The following LIMCH1 variants were observed in gnomAD, a reference collection of about 807,000 sequenced individuals.
The protein encoded by LIMCH1 is LIM and calponin homology domains-containing protein 1.
A neutral mutation model predicts 176.5 loss-of-function variants in LIMCH1; 113 were observed. The observed-to-expected ratio is 0.64, with a 90% confidence interval of 0.55 to 0.75. LIMCH1 has a LOEUF of 0.75. Ranked by LOEUF, LIMCH1 falls within the 30% of genes least tolerant of loss-of-function variation. The pLI, the probability that LIMCH1 is intolerant of heterozygous loss-of-function variation, is 0.00. For missense variants in LIMCH1, 1,674 were observed against 1,814.9 expected (o/e 0.92, Z 1.41); for synonymous variants, 619 against 645.9 (o/e 0.96, Z 0.63).
intron 1 of LIMCH1, among the ~76,000 whole-genome samples, chr4:41,420,857 A>G (rs9942148): frequency 0.081 from 12,381 of 152,274 alleles, 1,425 homozygotes; most frequent in African/African-American, 0.25. Flanking sequence ...AGAACGCTGG[A>G]GAAAGCACAT....
chr4:41,531,658 T>G (rs1177093551), intron 3 of LIMCH1, among the ~76,000 whole-genome samples: 1 of 152,154 alleles, frequency 6.6e-6, no homozygotes, highest in African/African-American at 2.4e-5. Context: ...CTCTTTCCAG[T>G]GCAAATCAAT....
intron 26 of LIMCH1, among the ~76,000 whole-genome samples, chr4:41,682,873 C>T (rs369981761): frequency 1.4e-3 from 218 of 152,088 alleles, no homozygotes; most frequent in African/African-American, 5.1e-3. Flanking sequence ...GATGGGGTTT[C>T]GTCATGTTGG....
chr4:41,418,107 A>G (rs1309878383), intron 1 of LIMCH1, among the ~76,000 whole-genome samples: 8 of 152,180 alleles, frequency 5.3e-5, no homozygotes, highest in Non-Finnish European at 1.2e-4. Flanking sequence ...GGTCTCAGCA[A>G]TTCACTTGCA....
upstream of LIMCH1, among the ~76,000 whole-genome samples, chr4:41,536,314 G>A (rs2077942291): frequency 4.6e-5 from 7 of 152,126 alleles, no homozygotes; most frequent in Admixed American, 4.6e-4. Flanking sequence ...TAGGAAGTTT[G>A]TCTTGGCAAG....
intron 1 of LIMCH1, among the ~76,000 whole-genome samples, chr4:41,375,068 A>T (rs1262568106): frequency 6.6e-6 from 1 of 152,216 alleles, no homozygotes; most frequent in Non-Finnish European, 1.5e-5. Context: ...CTTTTAGTAG[A>T]AGAATGGGTA....
At chr4:41,560,035 A>G (rs999311074) in intron 1 of LIMCH1, among the ~76,000 whole-genome samples, 3 of 152,068 alleles carry the variant, frequency 2.0e-5, no homozygotes, top group Non-Finnish European at 2.9e-5. Flanking sequence ...GTTCCTGACA[A>G]TTTCTCCACT....
chr4:41,461,370 C>T (rs574876269), intron 1 of LIMCH1, among the ~76,000 whole-genome samples: 17 of 152,266 alleles, frequency 1.1e-4, no homozygotes, highest in South Asian at 8.3e-4. Flanking sequence ...TGCTTAAAAA[C>T]GACTAAAGAG....
chr4:41,377,496 CAA>C (rs1180273544), intron 1 of LIMCH1, among the ~76,000 whole-genome samples: 1 of 152,146 alleles, frequency 6.6e-6, no homozygotes, highest in African/African-American at 2.4e-5. Flanking sequence ...TCATCTACCG[CAA>C]AGTCTGTTCA....
chr4:41,527,849 A>AAAAAC (rs2076842517), intron 3 of LIMCH1, among the ~76,000 whole-genome samples: 1 of 145,266 alleles, frequency 6.9e-6, no homozygotes, highest in Non-Finnish European at 1.5e-5. Context: ...AAAAAAAAAA[A>AAAAAC]CTGCCCCATC....
intron 3 of LIMCH1, among the ~76,000 whole-genome samples, chr4:41,529,830 A>C (rs1415303206): frequency 6.6e-6 from 1 of 152,094 alleles, no homozygotes; most frequent in African/African-American, 2.4e-5. Flanking sequence ...TTCATGTATC[A>C]CTTCTTAGCC....
intron 21 of LIMCH1, chr4:41,671,082 G>A (rs2095004794): frequency 2.4e-5 from 17 of 696,044 alleles, no homozygotes; most frequent in South Asian, 6.6e-5. Context: ...AAGATTAAAA[G>A]CATTTACCAG....
At chr4:41,602,140 A>G (rs1161361109) in intron 2 of LIMCH1, among the ~76,000 whole-genome samples, 6 of 150,344 alleles carry the variant, frequency 4.0e-5, no homozygotes, top group African/African-American at 1.5e-4. Context: ...AAAAAAAAAA[A>G]AAAAAAAAAA....
Position 41,662,878 on chromosome 4 carries a change from A to G in LIMCH1, c.3185A>G (p.Glu1062Gly). Residue 1062 changes from glutamate (E) to glycine (G), a missense_variant, in exon 20 of 32, where the codon GAA becomes GGA. Coordinates refer to ENST00000503057, the MANE Select transcript of LIMCH1 (RefSeq NM_001330672.2). ...TGCAGCCCGACCGTGGCCTTTGTGG[A>G]ATTTCCCTCCAGCCCCCAGCTGAAG... Reference protein sequence around the residue: ...TRCSPTVAFVEFPSSPQLKND... With the variant: ...TRCSPTVAFVGFPSSPQLKND... 6.2e-7 allele frequency: 1 copy of G among 1,614,054 alleles called. No individual in the cohort carries two copies. The highest frequency in any genetic ancestry group is 2.2e-5 in the East Asian group (1 of 44,886).
intron 1 of LIMCH1, among the ~76,000 whole-genome samples, chr4:41,404,505 C>T (rs533517036): frequency 2.8e-4 from 42 of 152,110 alleles, no homozygotes; most frequent in Middle Eastern, 6.8e-3. Context: ...AGGCTGGGTG[C>T]GGTGGCTCAC....
At chr4:41,616,338 G>A (rs961291991) in intron 5 of LIMCH1, among the ~76,000 whole-genome samples, 4 of 151,748 alleles carry the variant, frequency 2.6e-5, no homozygotes, top group Admixed American at 2.6e-4. Flanking sequence ...GACCAGCCTG[G>A]CCAACCTGGT....
At chr4:41,370,273 TAGGA>T (rs1255732377) in intron 1 of LIMCH1, among the ~76,000 whole-genome samples, 3 of 152,116 alleles carry the variant, frequency 2.0e-5, no homozygotes, top group Non-Finnish European at 1.5e-5. Flanking sequence ...TCCCACTTCT[TAGGA>T]TGAGGGAAAG....
intron 2 of LIMCH1, 82 bp from the exon 3 acceptor site, chr4:41,603,793 A>T (rs2090316043): frequency 1.1e-6 from 1 of 902,942 alleles, no homozygotes; most frequent in Non-Finnish European, 1.8e-6. Context: ...AGCTTCAAGT[A>T]CATCTTAGTG....
intron 1 of LIMCH1, among the ~76,000 whole-genome samples, chr4:41,576,450 T>C (rs1042534821): frequency 6.6e-6 from 1 of 152,298 alleles, no homozygotes; most frequent in East Asian, 1.9e-4. Context: ...CTCTTCTAAG[T>C]GTTATAATTT....
intron 1 of LIMCH1, among the ~76,000 whole-genome samples, chr4:41,370,217 A>C (rs547793555): frequency 1.3e-5 from 2 of 152,232 alleles, no homozygotes; most frequent in African/African-American, 4.8e-5. Context: ...TCTTTCCCTA[A>C]GTCAAAGCAA....
Sources: gnomAD v4.1 joint callset for allele counts (sites outside exome capture counted in the v4.1 genomes callset) on GRCh38, gnomAD v4.1.1 for gene constraint, MANE v1.5 for transcripts, NCBI Gene and HGNC (gene_info 2026-07-23, HGNC 2026-07-21) for gene names.